The following VSTM4 variants were observed in gnomAD, a reference collection of about 807,000 sequenced individuals.
VSTM4 encodes V-set and transmembrane domain-containing protein 4.
VSTM4 carries 20 observed loss-of-function variants against 36.4 expected under a neutral mutation model. That is an observed-to-expected ratio of 0.55 (90% confidence interval 0.39 to 0.80). VSTM4 has a LOEUF of 0.80. Among genes scored for constraint, VSTM4 ranks in the 30% least tolerant of loss-of-function variants. The pLI, the probability that VSTM4 is intolerant of heterozygous loss-of-function variation, is 0.00. For synonymous variants in VSTM4, 182 were observed against 173.9 expected, an observed-to-expected ratio of 1.05 and a Z score of -0.37; for missense variants, 392 against 404.5, an observed-to-expected ratio of 0.97 and a Z score of 0.26.
intron 5 of VSTM4, among the ~76,000 whole-genome samples, chr10:49,050,279 T>C (rs1417477520): frequency 6.6e-6 from 1 of 152,162 alleles, no homozygotes; most frequent in African/African-American, 2.4e-5. Flanking sequence ...TCCAGAAATA[T>C]TCACAAGAAT....
Position 49,107,709 on chromosome 10 carries a change from G to T in VSTM4, c.342C>A (p.Val114=). ...CTTGATCGGAGGGCTGCAGTGTCAAGACGGAGAGCCTGTAGAGCGCCCCCC... is the reference window on the plus strand; with the variant it reads ...CTTGATCGGAGGGCTGCAGTGTCAATACGGAGAGCCTGTAGAGCGCCCCCC... ...EQRGALYRLS[V]LTLQPSDQGH... is the part of the protein sequence containing the mutation. Residue 114 remains valine (V), a synonymous_variant, in exon 2 of 8, where the codon GTC becomes GTA. Coordinates refer to ENST00000332853, the MANE Select transcript of VSTM4 (RefSeq NM_001031746.5). The T allele has an allele frequency of 1.2e-6, 2 of 1,614,230 alleles. No homozygotes were observed. The highest frequency in any genetic ancestry group is 1.1e-5 in the South Asian group (1 of 91,092).
chr10:49,105,189 GAGAGAGAGGGAGAGACAGAGAGAC>G, intron 2 of VSTM4, among the ~76,000 whole-genome samples: 1 of 142,210 alleles, frequency 7.0e-6, no homozygotes, highest in African/African-American at 2.7e-5. Flanking sequence ...AAGAGACAGA[GAGAGAGAGGGAGAGACAGAGAGAC>G]AGAGAGAGAG....
chr10:49,029,123 A>G (rs1843307423), intron 7 of VSTM4, among the ~76,000 whole-genome samples: 1 of 152,238 alleles, frequency 6.6e-6, no homozygotes, highest in Non-Finnish European at 1.5e-5. Context: ...GGTCTCCTCA[A>G]TGGGTCTCCA....
At chr10:49,086,060 A>T in intron 2 of VSTM4, 37 bp from the exon 3 acceptor site, 2 of 1,363,686 alleles carry the variant, frequency 1.5e-6, no homozygotes, top group Non-Finnish European at 2.0e-6. Context: ...GTATGAAAAA[A>T]TAATGCCACA....
At chr10:49,075,947 T>C (rs1163456127) in intron 4 of VSTM4, among the ~76,000 whole-genome samples, 2 of 152,182 alleles carry the variant, frequency 1.3e-5, no homozygotes, top group African/African-American at 4.8e-5. Flanking sequence ...TGTCAGGAGC[T>C]GAGTCCCTCT....
At chr10:49,108,350 A>G (rs972069933) in intron 1 of VSTM4, among the ~76,000 whole-genome samples, 5 of 152,346 alleles carry the variant, frequency 3.3e-5, no homozygotes, top group Admixed American at 2.0e-4. Flanking sequence ...TCTAGCCCAC[A>G]TCCAACCCCC....
At position 49,048,494 on chromosome 10, in the gene VSTM4, G is replaced by A. The variant is rs17854125; in HGVS notation, c.759C>T (p.Pro253=). ...KRQKEKPDIP[P]AVPAKAPIAP... ...GCTCCTTACCTTTGGCAGGGACTGCGGGAGGAATGTCAGGCTTCTCCTTCT... is the reference window on the plus strand; with the variant it reads ...GCTCCTTACCTTTGGCAGGGACTGCAGGAGGAATGTCAGGCTTCTCCTTCT... The change falls in exon 6 of 8, where the codon CCC becomes CCT. Residue 253 remains proline (P), a synonymous_variant. Coordinates refer to ENST00000332853, the MANE Select transcript of VSTM4 (RefSeq NM_001031746.5). The A allele has an allele frequency of 2.2e-4, 356 of 1,593,830 alleles. No homozygotes were observed. Among genetic ancestry groups the A allele is most frequent in the African/African-American group, 7.3e-4 (54 of 73,614 alleles).
rs1231906376 is a variant in VSTM4, at chr10:49,015,480, A to C, written c.*4170T>G. The C allele has an allele frequency of 6.6e-6, 1 of 152,204 alleles. No homozygotes were observed. The highest frequency in any genetic ancestry group is 1.5e-5 in the Non-Finnish European group (1 of 68,070). The allele number at this position is 152,204 out of a possible 1,614,324, so 9.4% of individuals were successfully genotyped here. On this transcript the variant is annotated 3_prime_UTR_variant, in exon 8 of 8. Coordinates refer to ENST00000332853, the MANE Select transcript of VSTM4 (RefSeq NM_001031746.5). ...TGCATGCATTAAAGGTTGAGAAAGC[A>C]CTAGTCTACATGCCCATCTATCTGG...
intron 2 of VSTM4, among the ~76,000 whole-genome samples, chr10:49,091,599 T>C (rs919128277): frequency 5.3e-5 from 8 of 152,102 alleles, no homozygotes; most frequent in African/African-American, 1.9e-4. Flanking sequence ...CCCTGCCAAC[T>C]TCCCTGGGGA....
intron 2 of VSTM4, among the ~76,000 whole-genome samples, chr10:49,100,996 T>C (rs1844655677): frequency 6.6e-6 from 1 of 152,056 alleles, no homozygotes; most frequent in African/African-American, 2.4e-5. Context: ...ATAAATTAGC[T>C]ACTATATACC....
intron 4 of VSTM4, among the ~76,000 whole-genome samples, chr10:49,065,867 G>A (rs1843964337): frequency 6.6e-6 from 1 of 152,014 alleles, no homozygotes; most frequent in African/African-American, 2.4e-5. Context: ...AACTGTACAG[G>A]TTTATCTCGT....
chr10:49,101,595 TA>T (rs1286477732), intron 2 of VSTM4, among the ~76,000 whole-genome samples: 1 of 152,248 alleles, frequency 6.6e-6, no homozygotes, highest in Non-Finnish European at 1.5e-5. Flanking sequence ...AAAAGATTAA[TA>T]ATATTGATTG....
At chr10:49,077,784 G>A (rs75555757) in intron 3 of VSTM4, among the ~76,000 whole-genome samples, 64 of 152,220 alleles carry the variant, frequency 4.2e-4, no homozygotes, top group African/African-American at 1.4e-3. Flanking sequence ...AAGAGGCACC[G>A]TCTATATTAG....
chr10:49,066,262 T>C (rs1259532049), intron 4 of VSTM4, among the ~76,000 whole-genome samples: 1 of 152,182 alleles, frequency 6.6e-6, no homozygotes, highest in African/African-American at 2.4e-5. Flanking sequence ...TGTCCCAGAT[T>C]GAAACGTAAA....
intron 3 of VSTM4, among the ~76,000 whole-genome samples, chr10:49,085,250 G>T (rs1184338656): frequency 2.6e-5 from 4 of 152,254 alleles, no homozygotes; most frequent in African/African-American, 9.6e-5. Flanking sequence ...CTGTTCCAAG[G>T]CCATGGTTCT....
chr10:49,092,098 A>G (rs1168006648), intron 2 of VSTM4, among the ~76,000 whole-genome samples: 5 of 151,984 alleles, frequency 3.3e-5, no homozygotes, highest in Non-Finnish European at 7.4e-5. Flanking sequence ...CTTCTCCCAG[A>G]CTCTACAGAT....
intron 5 of VSTM4, chr10:49,064,404 C>G: frequency 2.5e-6 from 1 of 397,890 alleles, no homozygotes; most frequent in South Asian, 2.9e-5. Flanking sequence ...TGGTTCAGAG[C>G]AAGTGTGAGC....
intron 5 of VSTM4, among the ~76,000 whole-genome samples, chr10:49,050,567 C>G (rs1325611769): frequency 1.3e-5 from 2 of 152,130 alleles, no homozygotes; most frequent in Admixed American, 1.3e-4. Context: ...CTGGTCATAG[C>G]TTTAGAGTAC....
chr10:49,039,587 C>A (rs1032009972), intron 7 of VSTM4, among the ~76,000 whole-genome samples: 2 of 152,046 alleles, frequency 1.3e-5, no homozygotes, highest in Non-Finnish European at 2.9e-5. Context: ...TGGCCTGACC[C>A]CCTCAGCTAC....
Sources: allele counts gnomAD v4.1 joint callset (sites outside exome capture counted in the v4.1 genomes callset), GRCh38; gene constraint gnomAD v4.1.1; transcripts MANE v1.5; gene names NCBI Gene and HGNC (gene_info 2026-07-23, HGNC 2026-07-21).